The following PCSK5 variants were observed in gnomAD, a reference collection of about 807,000 sequenced individuals.
PCSK5 encodes the protein prohormone convertase 5.
In PCSK5, 129 loss-of-function variants were observed where a neutral mutation model predicts 233.2. That is an observed-to-expected ratio of 0.55 (90% CI 0.48 to 0.64). PCSK5 has a LOEUF of 0.64. PCSK5 is among the 30% of genes least tolerant of loss of function. PCSK5 has a pLI of 0.00. For synonymous variants in PCSK5, 825 were observed against 879.2 expected (o/e 0.94, Z 1.09); for missense variants, 2,076 against 2,430.1 (o/e 0.85, Z 3.06).
rs1482718761 is a variant in PCSK5 at position 76,310,652 on chromosome 9, C to T, written c.3689-4C>T. 3 of 1,540,170 alleles carry T rather than the reference C, an allele frequency of 1.9e-6. No homozygotes were observed. The highest frequency in any genetic ancestry group is 1.3e-5 in the South Asian group (1 of 79,398). ...CCCATCTTCCCTCTTCCCTGAATTT[C>T]TAGGTGCATATCTTCTGGCTCAGGC... On this transcript the variant is annotated splice_region_variant and splice_polypyrimidine_tract_variant and intron_variant, in intron 29 of 37. Transcript: ENST00000674117.
chr9:76,150,729 GC>G (rs1823637858), intron 10 of PCSK5, among the ~76,000 whole-genome samples: 1 of 152,184 alleles, frequency 6.6e-6, no homozygotes, highest in South Asian at 2.1e-4. Flanking sequence ...TTTGCACTGA[GC>G]AGCAGAAGAA....
chr9:75,990,519 G>A (rs1056578533), intron 3 of PCSK5, among the ~76,000 whole-genome samples: 3 of 152,176 alleles, frequency 2.0e-5, no homozygotes, highest in Admixed American at 2.0e-4. Context: ...CTAGGAGTTG[G>A]AGGGTTAATC....
At chr9:76,144,806 A>C (rs535835798) in intron 10 of PCSK5, among the ~76,000 whole-genome samples, 2 of 152,318 alleles carry the variant, frequency 1.3e-5, no homozygotes, top group African/African-American at 4.8e-5. Context: ...TGGCAAAATA[A>C]CTCAGTGTTA....
At chr9:76,223,543 C>T (rs576721114) in intron 20 of PCSK5, among the ~76,000 whole-genome samples, 1 of 152,232 alleles carries the variant, frequency 6.6e-6, no homozygotes, top group African/African-American at 2.4e-5. Flanking sequence ...GTGTCTTCAA[C>T]TTTTGAGGTA....
In PCSK5 at chr9:75,916,560, G is replaced by A. The variant is rs189054298; in HGVS notation, c.193-15819G>A. 1.1e-3 allele frequency among the ~76,000 whole-genome samples: 166 copies of A among 152,124 alleles called. 2 individuals carry two copies. The highest frequency in any genetic ancestry group is 1.7e-3 in the Non-Finnish European group (115 of 67,994). On this transcript the variant is annotated intron_variant, in intron 1 of 37. Coordinates refer to ENST00000674117, the MANE Select transcript of PCSK5 (RefSeq NM_001372043.1). ...TGACTTCGGAAGAAGTGATATTTGAGCTAAGATCCAAAAAACGAGAAGGAA... is the reference window on the plus strand; with the variant it reads ...TGACTTCGGAAGAAGTGATATTTGAACTAAGATCCAAAAAACGAGAAGGAA...
At chr9:76,351,661 A>G (rs11144851) in intron 36 of PCSK5, among the ~76,000 whole-genome samples, 5 of 97,624 alleles carry the variant, frequency 5.1e-5, no homozygotes, top group South Asian at 4.4e-4. Flanking sequence ...GAGAGAGAGA[A>G]AGAAAGAAAG....
intron 12 of PCSK5, among the ~76,000 whole-genome samples, chr9:76,166,736 G>A (rs536528703): frequency 1.3e-5 from 2 of 152,338 alleles, no homozygotes; most frequent in South Asian, 2.1e-4. Flanking sequence ...TGGCCTCAAC[G>A]AATTAGAGCT....
intron 21 of PCSK5, among the ~76,000 whole-genome samples, chr9:76,230,592 A>G (rs1217857102): frequency 2.6e-5 from 4 of 152,242 alleles, no homozygotes; most frequent in Non-Finnish European, 5.9e-5. Context: ...TGGGCTGCAC[A>G]GCAGCAGGTG....
chr9:76,241,884 C>T (rs1416823116), intron 24 of PCSK5, among the ~76,000 whole-genome samples: 3 of 152,104 alleles, frequency 2.0e-5, no homozygotes, highest in South Asian at 2.1e-4. Flanking sequence ...AAAACTTCAA[C>T]GTGGGCACAA....
At chr9:76,300,743 C>T (rs926184439) in intron 27 of PCSK5, among the ~76,000 whole-genome samples, 1 of 152,172 alleles carries the variant, frequency 6.6e-6, no homozygotes, top group African/African-American at 2.4e-5. Flanking sequence ...AGCTGTGTGA[C>T]CTTCAGTGAG....
chr9:76,243,286 A>G (rs928591704), intron 24 of PCSK5, among the ~76,000 whole-genome samples: 1 of 152,202 alleles, frequency 6.6e-6, no homozygotes, highest in African/African-American at 2.4e-5. Flanking sequence ...CTTGATGGGG[A>G]GAATTTCAAA....
rs1828412188 is a variant in PCSK5, at chr9:76,295,512, G to A, written c.3322+101G>A. ...ACATGTGATTGGTTTCAGAGTCTGT[G>A]CGTGTGGGCACCTCTGGCCCAAGGA... On this transcript the variant is annotated intron_variant, in intron 26 of 37. Coordinates refer to ENST00000674117, the MANE Select transcript of PCSK5 (RefSeq NM_001372043.1). The A allele has an allele frequency of 3.8e-6, 4 of 1,049,508 alleles. 1 individual carries two copies. In the South Asian group the frequency reaches 6.2e-5, roughly 16 times the overall value. The allele number at this position is 1,049,508 out of a possible 1,614,324, so 65.0% of individuals were successfully genotyped here.
At chr9:76,288,910 A>G (rs1419916283) in intron 24 of PCSK5, among the ~76,000 whole-genome samples, 1 of 152,230 alleles carries the variant, frequency 6.6e-6, no homozygotes, top group Admixed American at 6.5e-5. Context: ...TCATCCATCC[A>G]AATTCAATGG....
chr9:76,351,446 AG>A (rs377534428), intron 36 of PCSK5, among the ~76,000 whole-genome samples: 4,718 of 29,642 alleles, frequency 0.16, 1,137 homozygotes, highest in Middle Eastern at 0.26. Context: ...TGTGAAAGAA[AG>A]GAAAGAAAGA....
Position 76,040,314 on chromosome 9 carries a change from A to G in PCSK5, c.632+13277A>G, listed in dbSNP as rs376724556. 7.0e-4 allele frequency among the ~76,000 whole-genome samples: 94 copies of G among 134,382 alleles called. 1 individual carries two copies. The highest frequency in any genetic ancestry group is 2.6e-3 in the African/African-American group (93 of 36,294). The allele number at this position is 134,382 out of a possible 152,430, so 88.2% of individuals were successfully genotyped here. ...GCCAAGTAAGGTCTCACTCCCTTAG[A>G]TGTGTTCTCTGTCTCTCTCTCTCTC... On this transcript the variant is annotated intron_variant, in intron 5 of 37. Transcript: ENST00000674117.
At chr9:76,237,482 T>C (rs1303574024) in intron 22 of PCSK5, among the ~76,000 whole-genome samples, 1 of 152,068 alleles carries the variant, frequency 6.6e-6, no homozygotes, top group Non-Finnish European at 1.5e-5. Context: ...AAAATTGCAT[T>C]TCAGGCGAGG....
chr9:76,142,174 A>T (rs1468340218), intron 10 of PCSK5, among the ~76,000 whole-genome samples: 1 of 151,792 alleles, frequency 6.6e-6, no homozygotes, highest in Non-Finnish European at 1.5e-5. Flanking sequence ...AAAGTATATC[A>T]GGCATTCATT....
chr9:75,995,152 C>T (rs1264864613), intron 3 of PCSK5, among the ~76,000 whole-genome samples: 1 of 152,180 alleles, frequency 6.6e-6, no homozygotes, highest in Admixed American at 6.5e-5. Context: ...CCAGGTCCCC[C>T]ACTCCATTTG....
chr9:75,959,885 C>T (rs898242849), intron 2 of PCSK5, among the ~76,000 whole-genome samples: 7 of 152,202 alleles, frequency 4.6e-5, no homozygotes, highest in Non-Finnish European at 8.8e-5. Flanking sequence ...CAATAGCTGC[C>T]TGTTGAGTGC....
Sources: gnomAD v4.1 joint callset for allele counts (sites outside exome capture counted in the v4.1 genomes callset) on GRCh38, gnomAD v4.1.1 for gene constraint, MANE v1.5 for transcripts, NCBI Gene and HGNC (gene_info 2026-07-23, HGNC 2026-07-21) for gene names.